GALNT9: variants seen among roughly 807,000 people sequenced by gnomAD.
The protein encoded by GALNT9 is GalNAc transferase 9.
Under a neutral mutation model 63.1 loss-of-function variants are expected in GALNT9, and 47 were observed. That is an observed-to-expected ratio of 0.75 (90% CI 0.59 to 0.95). The LOEUF is 0.95. Ranked by LOEUF, GALNT9 falls within the 40% of genes least tolerant of loss-of-function variation. The probability of loss-of-function intolerance (pLI) is 0.00; values close to 1 mark genes in which losing one functional copy is unlikely to be tolerated. For missense variants in GALNT9, 829 were observed against 874.8 expected, an observed-to-expected ratio of 0.95 and a Z score of 0.66; for synonymous variants, 396 against 365.7, an observed-to-expected ratio of 1.08 and a Z score of -0.94.
chr12:132,284,116 TGCACACAC>T (rs1880482570), intron 2 of GALNT9: 1 of 139,644 alleles, frequency 7.2e-6, no homozygotes, highest in Admixed American at 7.0e-5. Context: ...CGCACACATA[TGCACACAC>T]GCACATGCAC....
At position 132,259,316 on chromosome 12, in the gene GALNT9, T is replaced by C. The variant is rs536115156; in HGVS notation, c.762-1430A>G. Reference sequence around the variant, plus strand: ...CAGACGCCCTCAGGCCTCGGGGAGCTTACCCGGCATCAGAGGGACTAAAAG... The same window carrying C: ...CAGACGCCCTCAGGCCTCGGGGAGCCTACCCGGCATCAGAGGGACTAAAAG... On this transcript the variant is annotated intron_variant, in intron 4 of 10. Transcript: ENST00000328957. Among the ~76,000 whole-genome samples the C allele has an allele frequency of 7.9e-5, 12 of 152,310 alleles. No homozygotes were observed. The South Asian group carries it at 2.5e-3, about 32-fold the overall frequency.
intron 2 of GALNT9, among the ~76,000 whole-genome samples, chr12:132,270,726 A>G (rs1346138188): frequency 1.3e-5 from 2 of 152,216 alleles, no homozygotes; most frequent in East Asian, 3.9e-4. Flanking sequence ...CCACGGCCAC[A>G]GCCACAGCCA....
intron 5 of GALNT9, among the ~76,000 whole-genome samples, chr12:132,257,042 G>C (rs562302175): frequency 1.6e-3 from 249 of 152,314 alleles, no homozygotes; most frequent in Middle Eastern, 3.4e-3. Flanking sequence ...TGAGGAGCAG[G>C]GGGGCAGCCA....
chr12:132,209,344 G>C (rs1876855446), intron 6 of GALNT9, among the ~76,000 whole-genome samples: 1 of 151,970 alleles, frequency 6.6e-6, no homozygotes, highest in South Asian at 2.1e-4. Flanking sequence ...GGCCAACATG[G>C]TGAAATGCCG....
chr12:132,216,549 A>AG (rs1254400160), intron 6 of GALNT9, among the ~76,000 whole-genome samples: 2 of 152,168 alleles, frequency 1.3e-5, no homozygotes, highest in Admixed American at 6.5e-5. Flanking sequence ...TGGGACAGGG[A>AG]GGGGGTCCAC....
Position 132,295,084 on chromosome 12 carries a change from G to A in GALNT9, c.239-8654C>T, listed in dbSNP as rs118015819. ...GCACTGTGGGATGGAGCCACCAGTG[G>A]TCCCTGTAGCTGCACTGGGGGTCAC... On this transcript the variant is annotated intron_variant, in intron 1 of 10. Coordinates refer to ENST00000328957, the MANE Select transcript of GALNT9 (RefSeq NM_001122636.2). Among the ~76,000 whole-genome samples, 179 of 152,382 alleles carry A rather than the reference G, an allele frequency of 1.2e-3. No homozygotes were observed. The East Asian group carries it at 0.024, about 21-fold the overall frequency.
At chr12:132,239,002 G>A (rs1202646660) in intron 6 of GALNT9, among the ~76,000 whole-genome samples, 4 of 152,200 alleles carry the variant, frequency 2.6e-5, no homozygotes, top group Admixed American at 2.0e-4. Flanking sequence ...ATGGCCGCTC[G>A]AAAGGTGAGA....
At position 132,319,961 on chromosome 12, in the gene GALNT9, G is replaced by A. The variant is rs1868705400; in HGVS notation, c.238+9005C>T. Among the ~76,000 whole-genome samples the A allele has an allele frequency of 6.6e-6, 1 of 152,160 alleles. No homozygotes were observed. Among genetic ancestry groups the A allele is most frequent in the African/African-American group, 2.4e-5 (1 of 41,466 alleles). On this transcript the variant is annotated intron_variant, in intron 1 of 10. Coordinates refer to ENST00000328957, the MANE Select transcript of GALNT9 (RefSeq NM_001122636.2). This position sits in a 1 kb window ranked among gnomAD's most constrained non-coding sequence, Gnocchi z 5.2. ...GCTCCTAAGGAAAAGGGGGCGGCCA[G>A]CGGCCCCCACCGCTGGGTCACGCTA...
At position 132,279,228 on chromosome 12, in the gene GALNT9, A is replaced by G. The variant is rs967352305; in HGVS notation, c.419+7022T>C. ...GGGAAGGCCTAACAAGGCTTGACCA[A>G]TCAGTGAAGGGCATTCCCCAGACTG... On this transcript the variant is annotated intron_variant, in intron 2 of 10. Transcript: ENST00000328957. This position sits in a 1 kb window ranked among gnomAD's most constrained non-coding sequence, Gnocchi z 4.1. The G allele has an allele frequency of 3.3e-5, 5 of 152,308 alleles. No homozygotes were observed. Among genetic ancestry groups the G allele is most frequent in the Admixed American group, 1.3e-4 (2 of 15,292 alleles). 9.4% of individuals were successfully genotyped at this position (152,308 alleles called of 1,614,324 possible).
At chr12:132,229,546 G>A (rs1877818538) in intron 6 of GALNT9, among the ~76,000 whole-genome samples, 1 of 152,220 alleles carries the variant, frequency 6.6e-6, no homozygotes, top group Non-Finnish European at 1.5e-5. Flanking sequence ...GGCCACACTC[G>A]CAGGCACAGC....
rs756380760 is a variant in GALNT9, at chr12:132,201,143, T to G, written c.1382A>C (p.Asn461Thr). ...NVYPEMRVYN[N>T]TLTYGEVRNS... The stretch of plus-strand genomic sequence containing the variant: ...TGCTACCTCTCCGTACGTGAGGGTG[T>G]TGTTGTAGACCCTCATCTCCGGGTA... Residue 461 changes from asparagine to threonine, a missense_variant, in exon 8 of 11, where the codon AAC (asparagine) becomes ACC (threonine). Asn to Thr is a moderately conservative substitution (Grantham distance 65). Transcript: ENST00000328957. 1.9e-5 allele frequency: 31 copies of G among 1,613,204 alleles called. No homozygotes were observed. Among genetic ancestry groups the G allele is most frequent in the African/African-American group, 4.0e-5 (3 of 74,880 alleles).
chr12:132,207,328 T>G (rs1056110456), intron 6 of GALNT9, among the ~76,000 whole-genome samples: 1 of 152,174 alleles, frequency 6.6e-6, no homozygotes, highest in Non-Finnish European at 1.5e-5. Context: ...GGGCACACAG[T>G]AGGTGCTTGA....
intron 1 of GALNT9, among the ~76,000 whole-genome samples, chr12:132,287,429 C>T (rs547232448): frequency 3.3e-5 from 5 of 152,348 alleles, no homozygotes; most frequent in Admixed American, 1.3e-4. Flanking sequence ...TGACACCATC[C>T]GCCTGTGTAA....
At position 132,201,170 on chromosome 12, in the gene GALNT9, A is replaced by G. The variant is rs1226222609; in HGVS notation, c.1355T>C (p.Val452Ala). The G allele has an allele frequency of 6.2e-7, 1 of 1,613,244 alleles. No homozygotes were observed. ...GTTGTAGACCCTCATCTCCGGGTAC[A>G]CGTTCTCCAGGTACCACTTGAAGCT... ...CRSFKWYLEN[V>A]YPEMRVYNNT... The change falls in exon 8 of 11, where the codon GTG becomes GCG. Residue 452 changes from valine (V) to alanine (A), a missense_variant. Physicochemically the swap from Val to Ala is moderately conservative, Grantham distance 64. Coordinates refer to ENST00000328957, the MANE Select transcript of GALNT9 (RefSeq NM_001122636.2).
chr12:132,270,851 G>A (rs959034276), intron 2 of GALNT9, among the ~76,000 whole-genome samples: 21 of 151,842 alleles, frequency 1.4e-4, no homozygotes, highest in African/African-American at 2.9e-4. Flanking sequence ...GGCAGATGAC[G>A]GTCAGTCATT....
In GALNT9 at chr12:132,319,169, C is replaced by T. The variant is rs1868663303; in HGVS notation, c.238+9797G>A. ...GTGAATTCTGCATCCATAGAGAGGG[C>T]CTTGGATGCCCAGGTGGCTGGAAGT... On this transcript the variant is annotated intron_variant, in intron 1 of 10. Coordinates refer to ENST00000328957, the MANE Select transcript of GALNT9 (RefSeq NM_001122636.2). The surrounding 1 kb of genome is among the most constrained non-coding windows in gnomAD (Gnocchi z 5.2). 1.3e-5 allele frequency among the ~76,000 whole-genome samples: 2 copies of T among 152,142 alleles called. No individual in the cohort carries two copies. Among genetic ancestry groups the T allele is most frequent in the Admixed American group, 1.3e-4 (2 of 15,282 alleles).
chr12:132,300,303 C>A lies in GALNT9; in HGVS notation c.239-13873G>T, dbSNP rs1378784330. On this transcript the variant is annotated intron_variant, in intron 1 of 10. Transcript: ENST00000328957. ...CTAACCCACCCCTGAGATGACCAAGCCACTCCTGAGATAACTCACTCCCAT... is the reference window on the plus strand; with the variant it reads ...CTAACCCACCCCTGAGATGACCAAGACACTCCTGAGATAACTCACTCCCAT... Among the ~76,000 whole-genome samples the A allele has an allele frequency of 4.8e-5, 7 of 146,578 alleles. 1 individual carries two copies. Among genetic ancestry groups the A allele is most frequent in the Non-Finnish European group, 9.1e-5 (6 of 66,076 alleles).
chr12:132,281,081 G>A (rs1052281745), intron 2 of GALNT9, among the ~76,000 whole-genome samples: 3 of 152,236 alleles, frequency 2.0e-5, no homozygotes, highest in African/African-American at 4.8e-5. Flanking sequence ...CCCAGGGAAA[G>A]GCCAGGCACT....
chr12:132,329,262 CTGGGCTT>C lies in GALNT9; in HGVS notation c.-66_-60del. ...GCATCCCCAGCATCCCCGCCCGGGC[CTGGGCTT>C]CAGCTTCGGCTTCGGGGACCATGAG... is the stretch of plus-strand genomic sequence containing the variant. On this transcript the variant is annotated 5_prime_UTR_variant, in exon 1 of 11. The change abolishes the stop of an existing upstream ORF in the 5' untranslated region. Coordinates refer to ENST00000328957, the MANE Select transcript of GALNT9 (RefSeq NM_001122636.2). 2 of 1,508,886 alleles carry C rather than the reference CTGGGCTT, an allele frequency of 1.3e-6. No individual in the cohort carries two copies. Among genetic ancestry groups the C allele is most frequent in the South Asian group, 1.3e-5 (1 of 78,500 alleles). The allele number at this position is 1,508,886 out of a possible 1,614,324, so 93.5% of individuals were successfully genotyped here. A position where few individuals can be genotyped will look rare whatever the true frequency, so the allele number is the denominator to read the frequency against.
Sources: gnomAD v4.1 joint callset for allele counts (sites outside exome capture counted in the v4.1 genomes callset) on GRCh38, gnomAD v4.1.1 for gene constraint, Gnocchi (gnomAD v3.1) non-coding constraint, MANE v1.5 for transcripts, NCBI Gene and HGNC (gene_info 2026-07-23, HGNC 2026-07-21) for gene names.